Variants in ANKRD11 observed in about 807,000 individuals in gnomAD.
The protein encoded by ANKRD11 is ankyrin repeat domain 11, also known as ankyrin repeat domain-containing protein 11.
A neutral mutation model predicts 195.7 loss-of-function variants in ANKRD11; 17 were observed. The observed-to-expected ratio is 0.09, with a 90% CI of 0.06 to 0.13. ANKRD11 has a LOEUF of 0.13. Among genes scored for constraint, ANKRD11 ranks in the 10% least tolerant of loss-of-function variants. The probability of loss-of-function intolerance (pLI) is 1.00; values close to 1 mark genes in which losing one functional copy is unlikely to be tolerated. For missense variants in ANKRD11, 3,735 were observed against 3,566.1 expected, an observed-to-expected ratio of 1.05 and a Z score of -1.21; for synonymous variants, 1,953 against 1,528.1, an observed-to-expected ratio of 1.28 and a Z score of -6.49.
chr16:89,381,641 C>A (rs2040661225), intron 2 of ANKRD11, among the ~76,000 whole-genome samples: 1 of 152,208 alleles, frequency 6.6e-6, no homozygotes, highest in Non-Finnish European at 1.5e-5. Flanking sequence ...CCCCAACATG[C>A]CTGTCACAAA....
In ANKRD11 at chr16:89,280,860, G is replaced by GGGGGAA; in HGVS notation, c.5676_5681dup (p.Ser1893_Pro1894dup). ...GGGAAGGAACCAGCAGCTCGGCTCT[G>GGGGGAA]GGGGAAGGGGAAGGTTTTGCTTGTA... On this transcript the variant is annotated inframe_insertion, in exon 9 of 13. Transcript: ENST00000301030. The GGGGGAA allele has an allele frequency of 6.2e-7, 1 of 1,604,928 alleles. No homozygotes were observed. The highest frequency in any genetic ancestry group is 8.5e-7 in the Non-Finnish European group (1 of 1,173,134).
At chr16:89,321,234 T>C (rs1247563090) in intron 2 of ANKRD11, 3 of 152,378 alleles carry the variant, frequency 2.0e-5, no homozygotes, top group African/African-American at 4.8e-5. Context: ...CAAGGTCAGT[T>C]TGGCAAAACC....
chr16:89,349,202 A>G (rs979495159), intron 2 of ANKRD11, among the ~76,000 whole-genome samples: 13 of 147,684 alleles, frequency 8.8e-5, no homozygotes, highest in Admixed American at 2.8e-4. Flanking sequence ...GGTGTTAGCA[A>G]AAGAATCGAT....
At chr16:89,465,006 T>C (rs985884484) in intron 1 of ANKRD11, among the ~76,000 whole-genome samples, 4 of 152,248 alleles carry the variant, frequency 2.6e-5, no homozygotes, top group Non-Finnish European at 5.9e-5. Context: ...TTTATATTTA[T>C]ACCTGGTTGA....
intron 2 of ANKRD11, among the ~76,000 whole-genome samples, chr16:89,374,274 T>C (rs143659189): frequency 6.6e-6 from 1 of 152,164 alleles, no homozygotes; most frequent in Non-Finnish European, 1.5e-5. Flanking sequence ...AGTAATTCTC[T>C]TCACTTAAAA....
intron 4 of ANKRD11, 56 bp downstream of exon 4, chr16:89,305,150 G>A (rs2036106391): frequency 6.3e-7 from 1 of 1,596,048 alleles, no homozygotes; most frequent in Non-Finnish European, 8.5e-7. Context: ...GCCCTGCCTG[G>A]GCTGCTCCGG....
chr16:89,365,725 C>T (rs1357061259), intron 2 of ANKRD11, among the ~76,000 whole-genome samples: 2 of 151,974 alleles, frequency 1.3e-5, no homozygotes, highest in African/African-American at 4.8e-5. Context: ...TTTTTTTTAA[C>T]TTTGTTTTAG....
chr16:89,343,447 T>C (rs1380981730), intron 2 of ANKRD11, among the ~76,000 whole-genome samples: 1 of 152,224 alleles, frequency 6.6e-6, no homozygotes, highest in Non-Finnish European at 1.5e-5. Flanking sequence ...ATGTGTAATC[T>C]CTTAAAAGCC....
At position 89,284,379 on chromosome 16, in the gene ANKRD11, G is replaced by C. The variant is rs139134429; in HGVS notation, c.2163C>G (p.Ile721Met). Residue 721 changes from isoleucine to methionine, a missense_variant, in exon 9 of 13, where the codon ATC becomes ATG. Coordinates refer to ENST00000301030, the MANE Select transcript of ANKRD11 (RefSeq NM_013275.6). ...TGCTGATGTCTTTGTTTGTGTCTTT[G>C]ATTCTCTTCAGTGATTTTTCATCTT... ...LFKDEKSLKR[I>M]KDTNKDISRS... is the part of the protein sequence containing the mutation. The C allele has an allele frequency of 1.4e-5, 23 of 1,613,414 alleles. No homozygotes were observed. Among genetic ancestry groups the C allele is most frequent in the East Asian group, 2.2e-5 (1 of 44,884 alleles).
At chr16:89,344,533 C>A (rs2038846707) in intron 2 of ANKRD11, among the ~76,000 whole-genome samples, 1 of 152,214 alleles carries the variant, frequency 6.6e-6, no homozygotes, top group Admixed American at 6.5e-5. Flanking sequence ...GCCAAAATGA[C>A]CCACAAATAA....
intron 2 of ANKRD11, among the ~76,000 whole-genome samples, chr16:89,346,433 C>G (rs1231173358): frequency 1.3e-5 from 2 of 152,106 alleles, no homozygotes; most frequent in East Asian, 1.9e-4. Flanking sequence ...CCAATAATCA[C>G]ATAGAAAATA....
intron 2 of ANKRD11, among the ~76,000 whole-genome samples, chr16:89,406,966 C>G (rs2041931094): frequency 6.6e-6 from 1 of 152,134 alleles, no homozygotes; most frequent in Admixed American, 6.5e-5. Flanking sequence ...GAGCAGATCA[C>G]TTGAGGTCAG....
At chr16:89,303,460 C>A (rs1209218572) in intron 4 of ANKRD11, among the ~76,000 whole-genome samples, 3 of 152,186 alleles carry the variant, frequency 2.0e-5, no homozygotes, top group Non-Finnish European at 4.4e-5. Context: ...CCCATCCACA[C>A]ATTCTGTCCA....
chr16:89,282,039 C>T lies in ANKRD11; in HGVS notation c.4503G>A (p.Lys1501=), dbSNP rs1405313913. 1 of 1,613,680 alleles carries T rather than the reference C, an allele frequency of 6.2e-7. No homozygotes were observed. Among genetic ancestry groups the T allele is most frequent in the Admixed American group, 1.7e-5 (1 of 60,028 alleles). ...GGCTGTCCTTGTCCCTGGTGGCGGG[C>T]TTCTGCTCGTCCCTGTGATGCCGCA... ...ELLRHHRDEQ[K]PATRDKDSPP... Residue 1501 remains lysine (K), a synonymous_variant, in exon 9 of 13, where the codon AAG becomes AAA. Transcript: ENST00000301030.
Position 89,282,143 on chromosome 16 carries a change from C to G in ANKRD11, c.4399G>C (p.Glu1467Gln), listed in dbSNP as rs771737535. The G allele has an allele frequency of 5.6e-6, 9 of 1,614,062 alleles. No homozygotes were observed. The highest frequency in any genetic ancestry group is 5.9e-6 in the Non-Finnish European group (7 of 1,180,012). ...CTCTCCTTCTCGTCTCTCCATTTCT[C>G]CCTGTGTTTCTCTCTCTTCTTCTTC... ...KEKKKREKHREKWRDEKERHR... is the reference protein window; with the variant it reads ...KEKKKREKHRQKWRDEKERHR... The change falls in exon 9 of 13, where the codon GAG becomes CAG. Residue 1467 changes from glutamate to glutamine, a missense_variant. Physicochemically the swap from Glu to Gln is conservative, Grantham distance 29. Coordinates refer to ENST00000301030, the MANE Select transcript of ANKRD11 (RefSeq NM_013275.6).
At chr16:89,443,724 A>G (rs543142812) in intron 1 of ANKRD11, among the ~76,000 whole-genome samples, 21 of 152,352 alleles carry the variant, frequency 1.4e-4, no homozygotes, top group South Asian at 4.1e-4. Flanking sequence ...ACACCCCTTT[A>G]TTACATGTAA....
In ANKRD11 at chr16:89,281,707, C is replaced by T. The variant is rs1431469157; in HGVS notation, c.4835G>A (p.Arg1612Lys). The T allele has an allele frequency of 6.2e-7, 1 of 1,614,158 alleles. No homozygotes were observed. Among genetic ancestry groups the T allele is most frequent in the Non-Finnish European group, 8.5e-7 (1 of 1,180,024 alleles). The stretch of plus-strand genomic sequence containing the variant: ...GAGCTTGGGGTCTCCGGACCGGTGC[C>T]TCAGCTTCTCCATTTGCTTCATCCT... ...KERMKQMEKL[R>K]HRSGDPKLKE... Residue 1612 changes from arginine (R) to lysine (K), a missense_variant, in exon 9 of 13, where the codon AGG (arginine) becomes AAG (lysine). Physicochemically the swap from Arg to Lys is conservative, Grantham distance 26. Coordinates refer to ENST00000301030, the MANE Select transcript of ANKRD11 (RefSeq NM_013275.6). This position sits in a 1 kb window ranked among gnomAD's most constrained non-coding sequence, Gnocchi z 5.5.
Position 89,428,217 on chromosome 16 carries a change from GATTA to G in ANKRD11, c.-144-9853_-144-9850del, listed in dbSNP as rs2042803029. ...AGCAAGACTCCATCTCAAAAAAATA[GATTA>G]ATTAATTAAAATAAAATTCTTTGGC... On this transcript the variant is annotated intron_variant, in intron 1 of 12. Coordinates refer to ENST00000301030, the MANE Select transcript of ANKRD11 (RefSeq NM_013275.6). 2.7e-5 allele frequency among the ~76,000 whole-genome samples: 4 copies of G among 150,312 alleles called. No individual in the cohort carries two copies. In the South Asian group the frequency reaches 8.4e-4, roughly 32 times the overall value.
rs1018954790 is a variant in ANKRD11, at chr16:89,279,439, C to T, written c.7103G>A (p.Arg2368Lys). ...GTCCTCGGAGCCGCGGGCCTTGGCC[C>T]TGGTGACCGGGGCAGGGGTGGGGGC... ...ECAPTPAPVT[R>K]AKARGSEDDD... is the part of the protein sequence containing the mutation. The change falls in exon 9 of 13, where the codon AGG (arginine) becomes AAG (lysine). Residue 2368 changes from arginine (R) to lysine (K), a missense_variant. Arg to Lys is a conservative substitution (Grantham distance 26, BLOSUM62 2). Coordinates refer to ENST00000301030, the MANE Select transcript of ANKRD11 (RefSeq NM_013275.6). This position sits in a 1 kb window ranked among gnomAD's most constrained non-coding sequence, Gnocchi z 5.6. 8.6e-6 allele frequency: 13 copies of T among 1,509,726 alleles called. No homozygotes were observed. In the African/African-American group the frequency reaches 1.7e-4, roughly 19 times the overall value. The allele number at this position is 1,509,726 out of a possible 1,614,324, so 93.5% of individuals were successfully genotyped here. A position where few individuals can be genotyped will look rare whatever the true frequency, so the allele number is the denominator to read the frequency against.
Sources: gnomAD v4.1 joint callset for allele counts (sites outside exome capture counted in the v4.1 genomes callset) on GRCh38, gnomAD v4.1.1 for gene constraint, Gnocchi (gnomAD v3.1) non-coding constraint, MANE v1.5 for transcripts, NCBI Gene and HGNC (gene_info 2026-07-23, HGNC 2026-07-21) for gene names.